Variants in OTUD7A observed in about 807,000 individuals in gnomAD.
OTUD7A encodes the protein OTU deubiquitinase 7A.
In OTUD7A, 12 loss-of-function variants were observed where a neutral mutation model predicts 65.7. The ratio of observed to expected loss-of-function variants is 0.18; its 90% CI spans 0.12 to 0.30. OTUD7A has a LOEUF of 0.30. OTUD7A is among the 10% of genes least tolerant of loss of function. The pLI is 1.00. For missense variants in OTUD7A, 1,148 were observed against 1,304.8 expected, an observed-to-expected ratio of 0.88 and a Z score of 1.85; for synonymous variants, 641 against 586.3, an observed-to-expected ratio of 1.09 and a Z score of -1.35.
chr15:31,655,473 G>A (rs1891963717), intron 2 of OTUD7A: 1 of 369,778 alleles, frequency 2.7e-6, no homozygotes, highest in Admixed American at 4.9e-5. Context: ...CATGCCATGT[G>A]AGAGAAGGGG....
At chr15:31,787,030 C>G (rs1895692328) in intron 1 of OTUD7A, among the ~76,000 whole-genome samples, 1 of 152,178 alleles carries the variant, frequency 6.6e-6, no homozygotes, top group Non-Finnish European at 1.5e-5. Context: ...GGGGACTAGT[C>G]AGCTTTTTCT....
intron 3 of OTUD7A, among the ~76,000 whole-genome samples, chr15:31,652,213 T>C (rs2141274767): frequency 6.6e-6 from 1 of 152,342 alleles, no homozygotes; most frequent in Non-Finnish European, 1.5e-5. Flanking sequence ...TTTCGTCAAA[T>C]TGCAAAGGCA....
At chr15:31,503,077 GCCTC>G (rs1285130649) in intron 9 of OTUD7A, among the ~76,000 whole-genome samples, 1 of 152,206 alleles carries the variant, frequency 6.6e-6, no homozygotes, top group African/African-American at 2.4e-5. Flanking sequence ...ACATTGCCTA[GCCTC>G]TCTGGGCTTC....
intron 1 of OTUD7A, among the ~76,000 whole-genome samples, chr15:31,778,887 G>C (rs934923529): frequency 6.6e-6 from 1 of 152,128 alleles, no homozygotes. Flanking sequence ...AACATGATTA[G>C]TGGAATGCAG....
chr15:31,595,464 T>C (rs1014113254), intron 3 of OTUD7A, among the ~76,000 whole-genome samples: 3 of 152,242 alleles, frequency 2.0e-5, no homozygotes. Context: ...TGTGCCCAGC[T>C]GGGTGAACTT....
intron 4 of OTUD7A, among the ~76,000 whole-genome samples, chr15:31,563,429 G>C (rs1888759345): frequency 6.6e-6 from 1 of 152,252 alleles, no homozygotes; most frequent in Non-Finnish European, 1.5e-5. Flanking sequence ...GGGCAAGACA[G>C]TGCATAGCCT....
intron 1 of OTUD7A, among the ~76,000 whole-genome samples, chr15:31,817,276 C>CCG (rs1896574035): frequency 4.2e-5 from 1 of 23,850 alleles, no homozygotes; most frequent in Admixed American, 5.8e-4. Context: ...AGATCATTTG[C>CCG]CCCCCCCCAT....
rs375289192 is a variant in OTUD7A, at chr15:31,484,161, G to T, written c.1935C>A (p.Ala645=). 3.1e-6 allele frequency: 5 copies of T among 1,610,214 alleles called. No homozygotes were observed. The highest frequency in any genetic ancestry group is 4.2e-6 in the Non-Finnish European group (5 of 1,179,546). ...GCCGGTGGCTGGTGAGCAGCAGGCC[G>T]GCGAAGATGAACTTGCGCTCCCCCT... ...AMQGERKFIF[A]GLLLTSHRHQ... Residue 645 remains alanine, a synonymous_variant, in exon 13 of 13, where the codon GCC becomes GCA. Coordinates refer to ENST00000307050, the MANE Select transcript of OTUD7A (RefSeq NM_001382637.1). This position sits in a 1 kb window ranked among gnomAD's most constrained non-coding sequence, Gnocchi z 4.5.
chr15:31,570,975 G>A (rs958235723), intron 3 of OTUD7A, among the ~76,000 whole-genome samples: 3 of 152,158 alleles, frequency 2.0e-5, no homozygotes, highest in African/African-American at 7.2e-5. Flanking sequence ...GCACGATTGG[G>A]CAACTATAGT....
chr15:31,569,999 C>T lies in OTUD7A; in HGVS notation c.331+19G>A. The T allele has an allele frequency of 1.2e-6, 2 of 1,612,706 alleles. No homozygotes were observed. Among genetic ancestry groups the T allele is most frequent in the Non-Finnish European group, 8.5e-7 (1 of 1,179,742 alleles). ...ACTGGCCTGGGCGGCTGTGCCTAGG[C>T]TCAGTCCCTCAGCGGTACCTTGGGC... is the stretch of plus-strand genomic sequence containing the variant. On this transcript the variant is annotated intron_variant, in intron 4 of 12. Transcript: ENST00000307050.
intron 1 of OTUD7A, among the ~76,000 whole-genome samples, chr15:31,748,878 G>C (rs556224785): frequency 3.9e-5 from 6 of 152,060 alleles, no homozygotes; most frequent in East Asian, 3.9e-4. Flanking sequence ...TTCCAGTGTA[G>C]GGCTCTTACA....
chr15:31,568,927 C>T (rs913782020), intron 4 of OTUD7A, among the ~76,000 whole-genome samples: 2 of 152,196 alleles, frequency 1.3e-5, no homozygotes, highest in Non-Finnish European at 2.9e-5. Context: ...GAGCAGATGC[C>T]AGCACCATAC....
In OTUD7A at chr15:31,483,570, C is replaced by T. The variant is rs1455627257; in HGVS notation, c.2526G>A (p.Pro842=). ...CCGCCCCCGCCGTCCCCGCCGCGCC[C>T]GGTAGGGCCCCGGGCACCGCGCGCG... ...SLARAVPGAL[P]GAAGTAGAAE... The change falls in exon 13 of 13, where the codon CCG becomes CCA. Residue 842 remains proline (P), a synonymous_variant. Transcript: ENST00000307050. The T allele has an allele frequency of 1.6e-6, 2 of 1,289,442 alleles. No individual in the cohort carries two copies. The highest frequency in any genetic ancestry group is 1.6e-5 in the African/African-American group (1 of 63,308). The allele number at this position is 1,289,442 out of a possible 1,614,324, so 79.9% of individuals were successfully genotyped here.
chr15:31,487,208 G>C lies in OTUD7A; in HGVS notation c.1357C>G (p.Pro453Ala). 1 of 1,613,904 alleles carries C rather than the reference G, an allele frequency of 6.2e-7. No individual in the cohort carries two copies. The highest frequency in any genetic ancestry group is 8.5e-7 in the Non-Finnish European group (1 of 1,179,966). Reference protein sequence around the residue: ...SYMNVTWIRIPSETRAPLAQP... With the variant: ...SYMNVTWIRIASETRAPLAQP... ...GCCAGGCTCACCCGTGTCTCGGAGG[G>C]GATCCGGATCCACGTCACGTTCATG... The change falls in exon 12 of 13, where the codon CCC (proline) becomes GCC (alanine). Residue 453 changes from proline to alanine, a missense_variant. Transcript: ENST00000307050. This position sits in a 1 kb window ranked among gnomAD's most constrained non-coding sequence, Gnocchi z 6.0.
chr15:31,521,255 C>A (rs2041933604), intron 8 of OTUD7A, among the ~76,000 whole-genome samples: 1 of 152,036 alleles, frequency 6.6e-6, no homozygotes, highest in African/African-American at 2.4e-5. Flanking sequence ...CACTTGTATC[C>A]CCTAAACATA....
intron 1 of OTUD7A, among the ~76,000 whole-genome samples, chr15:31,850,507 T>C (rs34905056): frequency 0.4 from 61,495 of 151,848 alleles, 14,824 homozygotes; most frequent in Non-Finnish European, 0.53. Flanking sequence ...CACATATACA[T>C]ATGTAACAAA....
intron 1 of OTUD7A, among the ~76,000 whole-genome samples, chr15:31,864,802 A>G (rs1323710835): frequency 2.6e-5 from 4 of 151,666 alleles, no homozygotes; most frequent in Non-Finnish European, 5.9e-5. Context: ...CACAAGTCAA[A>G]GCAAGTTCAT....
At chr15:31,623,061 A>G (rs12898280) in intron 3 of OTUD7A, among the ~76,000 whole-genome samples, 90,699 of 152,124 alleles carry the variant, frequency 0.6, 28,920 homozygotes, top group East Asian at 0.91. Flanking sequence ...TATCAGCAGC[A>G]GAGGCTGCAG....
At chr15:31,514,530 C>A (rs1288107610) in intron 8 of OTUD7A, among the ~76,000 whole-genome samples, 1 of 152,252 alleles carries the variant, frequency 6.6e-6, no homozygotes, top group Non-Finnish European at 1.5e-5. Context: ...ACTGATACCT[C>A]CAATTCCAAT....
Sources: allele counts gnomAD v4.1 joint callset (sites outside exome capture counted in the v4.1 genomes callset), GRCh38; gene constraint gnomAD v4.1.1; non-coding constraint Gnocchi (gnomAD v3.1); transcripts MANE v1.5; gene names NCBI Gene and HGNC (gene_info 2026-07-23, HGNC 2026-07-21).